Variants in TMEM120B observed in about 807,000 individuals in gnomAD.
The protein encoded by TMEM120B is transmembrane protein 120B.
TMEM120B carries 31 observed loss-of-function variants against 55.5 expected under a neutral mutation model. That is an observed-to-expected ratio of 0.56 (90% confidence interval 0.42 to 0.75). The LOEUF (loss-of-function observed/expected upper bound fraction) is 0.75. Among genes scored for constraint, TMEM120B ranks in the 30% least tolerant of loss-of-function variants. The pLI, the probability that TMEM120B is intolerant of heterozygous loss-of-function variation, is 0.00. For synonymous variants in TMEM120B, 203 were observed against 176.3 expected, an observed-to-expected ratio of 1.15 and a Z score of -1.20; for missense variants, 399 against 425.5, an observed-to-expected ratio of 0.94 and a Z score of 0.55.
intron 1 of TMEM120B, 109 bp downstream of exon 1, chr12:121,713,073 C>G (rs1428313944): frequency 1.1e-6 from 1 of 893,686 alleles, no homozygotes; most frequent in Non-Finnish European, 1.6e-6. Context: ...CTAGGGAGTG[C>G]CCCGGAGAGG....
At chr12:121,733,597 T>C (rs909960367) in intron 1 of TMEM120B, among the ~76,000 whole-genome samples, 2 of 149,100 alleles carry the variant, frequency 1.3e-5, no homozygotes, top group African/African-American at 4.9e-5. Context: ...CGGAGTGCAA[T>C]GGTGTGACCT....
chr12:121,779,174 C>G lies in TMEM120B; in HGVS notation c.*3452C>G. ...CTACGTTTACCCACTACCAGATAGA[C>G]TTTTTCATTTCAAGCATAACTTGAG... On this transcript the variant is annotated 3_prime_UTR_variant, in exon 12 of 12. Coordinates refer to ENST00000449592, the MANE Select transcript of TMEM120B (RefSeq NM_001080825.2). The G allele has an allele frequency of 5.8e-6, 2 of 343,046 alleles. No homozygotes were observed. The highest frequency in any genetic ancestry group is 7.6e-5 in the South Asian group (2 of 26,150). The allele number at this position is 343,046 out of a possible 1,614,324, so 21.3% of individuals were successfully genotyped here.
At chr12:121,750,599 C>CCCACACCAACACCAACACCAACA (rs1873250501) in intron 4 of TMEM120B, among the ~76,000 whole-genome samples, 160 bp downstream of exon 4, 1 of 102,030 alleles carries the variant, frequency 9.8e-6, no homozygotes, top group African/African-American at 3.1e-5. Flanking sequence ...CAACACCCCA[C>CCCACACCAACACCAACACCAACA]CCACACCAAC....
At chr12:121,736,222 T>A (rs1224825045) in intron 1 of TMEM120B, among the ~76,000 whole-genome samples, 1 of 152,100 alleles carries the variant, frequency 6.6e-6, no homozygotes, top group African/African-American at 2.4e-5. Context: ...TGGCCCAGGC[T>A]GGAGTGCAGT....
chr12:121,775,980 G>A lies in TMEM120B; in HGVS notation c.*258G>A. 1 of 597,412 alleles carries A rather than the reference G, an allele frequency of 1.7e-6. No homozygotes were observed. The highest frequency in any genetic ancestry group is 3.0e-6 in the Non-Finnish European group (1 of 334,862). The allele number at this position is 597,412 out of a possible 1,614,324, so 37.0% of individuals were successfully genotyped here. On this transcript the variant is annotated 3_prime_UTR_variant, in exon 12 of 12. Coordinates refer to ENST00000449592, the MANE Select transcript of TMEM120B (RefSeq NM_001080825.2). The surrounding 1 kb of genome is among the most constrained non-coding windows in gnomAD (Gnocchi z 4.3). ...CTCACTCCTGTGCTTGAAGGTGGCT[G>A]AGGCCGGGCCAGTCTTCCTGGGGAT... is the stretch of plus-strand genomic sequence containing the variant.
chr12:121,738,846 C>T (rs1323490135), intron 1 of TMEM120B, among the ~76,000 whole-genome samples: 2 of 152,170 alleles, frequency 1.3e-5, no homozygotes, highest in Non-Finnish European at 2.9e-5. Flanking sequence ...CATCCGCAGA[C>T]CCCCACTGGG....
intron 6 of TMEM120B, among the ~76,000 whole-genome samples, chr12:121,766,505 C>T (rs1873856106): frequency 1.3e-5 from 2 of 152,192 alleles, no homozygotes; most frequent in Non-Finnish European, 2.9e-5. Flanking sequence ...CTCCCACCAG[C>T]AGTAACCCCT....
Position 121,712,980 on chromosome 12 carries a change from C to A in TMEM120B, c.69+16C>A. The A allele has an allele frequency of 6.5e-7, 1 of 1,530,098 alleles. No homozygotes were observed. The highest frequency in any genetic ancestry group is 2.3e-5 in the Admixed American group (1 of 43,704). 94.8% of individuals were successfully genotyped at this position (1,530,098 alleles called of 1,614,324 possible). ...AGAACTGCAGGTAGGGCCAGGCCACCTGGTCCCGCAACTCTGCTGCCCGCG... is the reference window on the plus strand; with the variant it reads ...AGAACTGCAGGTAGGGCCAGGCCACATGGTCCCGCAACTCTGCTGCCCGCG... On this transcript the variant is annotated intron_variant, in intron 1 of 11. Coordinates refer to ENST00000449592, the MANE Select transcript of TMEM120B (RefSeq NM_001080825.2).
intron 1 of TMEM120B, among the ~76,000 whole-genome samples, chr12:121,729,162 T>C (rs1256235953): frequency 6.6e-6 from 1 of 152,198 alleles, no homozygotes. Flanking sequence ...GCTGCCTGAT[T>C]GGCAAAAACA....
chr12:121,749,670 C>T (rs1035610296), intron 3 of TMEM120B, among the ~76,000 whole-genome samples: 4 of 152,082 alleles, frequency 2.6e-5, no homozygotes, highest in Non-Finnish European at 2.9e-5. Flanking sequence ...CTTTGGGAGA[C>T]GGAGGCAGGT....
intron 5 of TMEM120B, chr12:121,758,364 C>T (rs750917402): frequency 2.1e-5 from 21 of 985,370 alleles, no homozygotes; most frequent in Non-Finnish European, 2.5e-5. Flanking sequence ...CCGGGTCTGT[C>T]GCCTTCAAAG....
chr12:121,715,768 A>G (rs140287486), intron 1 of TMEM120B, among the ~76,000 whole-genome samples: 6 of 152,102 alleles, frequency 3.9e-5, no homozygotes, highest in Non-Finnish European at 7.4e-5. Flanking sequence ...CAGATGAGGA[A>G]ACTGAAGCTT....
intron 1 of TMEM120B, among the ~76,000 whole-genome samples, chr12:121,723,357 A>AC (rs952390138): frequency 6.6e-6 from 1 of 151,886 alleles, no homozygotes; most frequent in African/African-American, 2.4e-5. Context: ...CTGCAGAGAC[A>AC]GGGTCTTGCT....
chr12:121,780,657 G>A lies in TMEM120B; in HGVS notation c.*4935G>A, dbSNP rs1874417007. 1.7e-6 allele frequency: 1 copy of A among 602,818 alleles called. No homozygotes were observed. Among genetic ancestry groups the A allele is most frequent in the East Asian group, 2.9e-5 (1 of 34,614 alleles). 37.3% of individuals were successfully genotyped at this position (602,818 alleles called of 1,614,324 possible). ...TTTCTCCCCCTGTAAACTGGGGGATGTGAACAGCGCCTGCCTCCGAGTCCT... is the reference window on the plus strand; with the variant it reads ...TTTCTCCCCCTGTAAACTGGGGGATATGAACAGCGCCTGCCTCCGAGTCCT... On this transcript the variant is annotated 3_prime_UTR_variant, in exon 12 of 12. Coordinates refer to ENST00000449592, the MANE Select transcript of TMEM120B (RefSeq NM_001080825.2).
At chr12:121,764,301 A>G (rs557648063) in intron 6 of TMEM120B, among the ~76,000 whole-genome samples, 1 of 151,736 alleles carries the variant, frequency 6.6e-6, no homozygotes, top group Admixed American at 6.6e-5. Flanking sequence ...GCGGTGGATC[A>G]CCTGAGGTCA....
Position 121,750,457 on chromosome 12 carries a change from A to G in TMEM120B, c.365+18A>G. The G allele has an allele frequency of 6.5e-7, 1 of 1,545,154 alleles. No individual in the cohort carries two copies. Among genetic ancestry groups the G allele is most frequent in the Non-Finnish European group, 8.8e-7 (1 of 1,142,134 alleles). On this transcript the variant is annotated intron_variant, in intron 4 of 11. Transcript: ENST00000449592. ...CAGGCCAAGTAAGTGTCCCCCACCCACCACCCAGACCCACACCTCACACCG... is the reference window on the plus strand; with the variant it reads ...CAGGCCAAGTAAGTGTCCCCCACCCGCCACCCAGACCCACACCTCACACCG...
At chr12:121,748,666 G>C (rs962363592) in intron 3 of TMEM120B, among the ~76,000 whole-genome samples, 1 of 152,128 alleles carries the variant, frequency 6.6e-6, no homozygotes, top group African/African-American at 2.4e-5. Flanking sequence ...TCCGTTGCAA[G>C]GAACCAGCAC....
chr12:121,765,134 T>C (rs1044540586), intron 6 of TMEM120B, among the ~76,000 whole-genome samples: 88 of 148,510 alleles, frequency 5.9e-4, no homozygotes, highest in Non-Finnish European at 9.9e-4. Context: ...TCTTTCTTTT[T>C]TTTTTTTTTT....
Position 121,779,745 on chromosome 12 carries a change from G to A in TMEM120B, c.*4023G>A. 2.7e-6 allele frequency: 4 copies of A among 1,464,598 alleles called. No individual in the cohort carries two copies. Among genetic ancestry groups the A allele is most frequent in the Non-Finnish European group, 3.8e-6 (4 of 1,063,232 alleles). 90.7% of individuals were successfully genotyped at this position (1,464,598 alleles called of 1,614,324 possible). On this transcript the variant is annotated 3_prime_UTR_variant, in exon 12 of 12. Coordinates refer to ENST00000449592, the MANE Select transcript of TMEM120B (RefSeq NM_001080825.2). ...ACCTGGTGGGTTTGGGACTGGCTCTGAGGACTCTGCAGGGATGGAGGCCTT... is the reference window on the plus strand; with the variant it reads ...ACCTGGTGGGTTTGGGACTGGCTCTAAGGACTCTGCAGGGATGGAGGCCTT...
Sources: allele counts gnomAD v4.1 joint callset (sites outside exome capture counted in the v4.1 genomes callset), GRCh38; gene constraint gnomAD v4.1.1; non-coding constraint Gnocchi (gnomAD v3.1); transcripts MANE v1.5; gene names NCBI Gene and HGNC (gene_info 2026-07-23, HGNC 2026-07-21).